The following ATL1 variants were observed in gnomAD, a reference collection of about 807,000 sequenced individuals.
ATL1 encodes atlastin-1.
A neutral mutation model predicts 75.5 loss-of-function variants in ATL1; 31 were observed. That is an observed-to-expected ratio of 0.41 (90% confidence interval 0.31 to 0.55). ATL1 has a LOEUF of 0.55. Among genes scored for constraint, ATL1 ranks in the 20% least tolerant of loss-of-function variants. ATL1 has a pLI of 0.27. For missense variants in ATL1, 405 were observed against 662.6 expected, an observed-to-expected ratio of 0.61 and a Z score of 4.27; for synonymous variants, 226 against 233.3, an observed-to-expected ratio of 0.97 and a Z score of 0.28.
intron 5 of ATL1, among the ~76,000 whole-genome samples, chr14:50,594,357 C>T (rs1042351669): frequency 8.5e-5 from 13 of 152,118 alleles, no homozygotes; most frequent in Non-Finnish European, 1.5e-4. Flanking sequence ...ATGGGGATTA[C>T]AATTTAAGAT....
intron 4 of ATL1, among the ~76,000 whole-genome samples, chr14:50,592,668 T>G: frequency 6.6e-6 from 1 of 151,922 alleles, no homozygotes; most frequent in Non-Finnish European, 1.5e-5. Flanking sequence ...TCCCAGCACT[T>G]TGGGAGGCCG....
At chr14:50,601,547 C>T (rs1042681024) in intron 6 of ATL1, among the ~76,000 whole-genome samples, 1 of 152,174 alleles carries the variant, frequency 6.6e-6, no homozygotes, top group African/African-American at 2.4e-5. Context: ...TGACGTCAAC[C>T]AACTTGCAAA....
chr14:50,603,222 C>G (rs995292514), intron 6 of ATL1, among the ~76,000 whole-genome samples: 2 of 152,158 alleles, frequency 1.3e-5, no homozygotes, highest in Non-Finnish European at 1.5e-5. Context: ...ATTATCTTCT[C>G]TTCCATGTCC....
intron 1 of ATL1, among the ~76,000 whole-genome samples, chr14:50,581,823 CT>C (rs2039057827): frequency 1.3e-5 from 2 of 152,054 alleles, no homozygotes; most frequent in South Asian, 4.2e-4. Context: ...GTAAGGCTGG[CT>C]ACTGGCTAAT....
chr14:50,588,784 C>G (rs1051092532), intron 2 of ATL1, among the ~76,000 whole-genome samples: 1 of 152,074 alleles, frequency 6.6e-6, no homozygotes, highest in Non-Finnish European at 1.5e-5. Context: ...GGTTATTTTT[C>G]AGGCTTAGGA....
chr14:50,594,952 T>C (rs1345074095), intron 5 of ATL1, among the ~76,000 whole-genome samples: 2 of 142,098 alleles, frequency 1.4e-5, no homozygotes, highest in African/African-American at 5.4e-5. Context: ...TGAGCAGAGA[T>C]CATGCCACTG....
At chr14:50,607,980 C>A (rs1210445179) in intron 6 of ATL1, among the ~76,000 whole-genome samples, 1 of 151,952 alleles carries the variant, frequency 6.6e-6, no homozygotes, top group Non-Finnish European at 1.5e-5. Flanking sequence ...TGAATAATTT[C>A]CTGAAAGATA....
chr14:50,568,323 G>A (rs2038923491), intron 1 of ATL1, among the ~76,000 whole-genome samples: 1 of 152,050 alleles, frequency 6.6e-6, no homozygotes, highest in Admixed American at 6.6e-5. Context: ...TTGAGCCCAG[G>A]AGTTTGAGGC....
At chr14:50,620,539 T>C in intron 8 of ATL1, 60 bp from the exon 9 acceptor site, 1 of 1,557,196 alleles carries the variant, frequency 6.4e-7, no homozygotes, top group Non-Finnish European at 8.8e-7. Context: ...TGTTTTATTC[T>C]GTGGCATGGA....
At chr14:50,579,815 A>G (rs2039039618) in intron 1 of ATL1, among the ~76,000 whole-genome samples, 1 of 152,144 alleles carries the variant, frequency 6.6e-6, no homozygotes, top group Admixed American at 6.5e-5. Context: ...AAAGTGGGCC[A>G]TGGTGGTAGT....
intron 1 of ATL1, among the ~76,000 whole-genome samples, chr14:50,539,968 T>A (rs1565838): frequency 0.63 from 95,556 of 152,060 alleles, 30,430 homozygotes; most frequent in East Asian, 0.75. Context: ...ACTCTATTCA[T>A]ACCATGCCCA....
chr14:50,625,912 AAG>A (rs2039515471), intron 11 of ATL1, among the ~76,000 whole-genome samples: 1 of 151,486 alleles, frequency 6.6e-6, no homozygotes, highest in Non-Finnish European at 1.5e-5. Context: ...AAAAAAAAAA[AAG>A]AAAAAAAAAA....
intron 13 of ATL1, among the ~76,000 whole-genome samples, 170 bp downstream of exon 13, chr14:50,630,179 TTAAC>T (rs1450633014): frequency 6.6e-6 from 1 of 152,186 alleles, no homozygotes; most frequent in Admixed American, 6.5e-5. Context: ...CTTAAAATAT[TTAAC>T]TTTTTCTAGA....
At chr14:50,545,489 C>T (rs935390433) in intron 1 of ATL1, among the ~76,000 whole-genome samples, 1 of 152,140 alleles carries the variant, frequency 6.6e-6, no homozygotes, top group Non-Finnish European at 1.5e-5. Context: ...ACTGCTCAAC[C>T]TTTGTGGGCT....
chr14:50,594,622 C>T (rs563031612), intron 5 of ATL1, among the ~76,000 whole-genome samples: 1 of 152,196 alleles, frequency 6.6e-6, no homozygotes, highest in South Asian at 2.1e-4. Flanking sequence ...GAGAAAGTTC[C>T]CAGGACTAAG....
chr14:50,582,171 A>G (rs905168860), intron 1 of ATL1, among the ~76,000 whole-genome samples: 13 of 151,858 alleles, frequency 8.6e-5, no homozygotes, highest in African/African-American at 2.7e-4. Flanking sequence ...AGTTCCAGAT[A>G]CTTGGGAGGC....
intron 1 of ATL1, among the ~76,000 whole-genome samples, chr14:50,569,981 T>C (rs2140184246): frequency 6.6e-6 from 1 of 152,340 alleles, no homozygotes; most frequent in Non-Finnish European, 1.5e-5. Flanking sequence ...AATTTTTCTC[T>C]TTGTCTTTGG....
intron 1 of ATL1, among the ~76,000 whole-genome samples, chr14:50,544,918 CAG>C (rs1325742024): frequency 8.7e-6 from 1 of 115,538 alleles, no homozygotes; most frequent in East Asian, 2.7e-4. Flanking sequence ...GCCTGAGTGA[CAG>C]AGTGAGACCC....
At chr14:50,575,275 A>T (rs1459519624) in intron 1 of ATL1, among the ~76,000 whole-genome samples, 1 of 152,030 alleles carries the variant, frequency 6.6e-6, no homozygotes, top group African/African-American at 2.4e-5. Context: ...ATAGGTTGTT[A>T]TATAAATGAC....
Sources: gnomAD v4.1 joint callset for allele counts (sites outside exome capture counted in the v4.1 genomes callset) on GRCh38, gnomAD v4.1.1 for gene constraint, MANE v1.5 for transcripts, NCBI Gene and HGNC (gene_info 2026-07-23, HGNC 2026-07-21) for gene names.